The following ITPR2 variants were observed in gnomAD, a reference collection of about 807,000 sequenced individuals.
ITPR2 encodes inositol 1,4,5-trisphosphate-gated calcium channel ITPR2.
Under a neutral mutation model 317.1 loss-of-function variants are expected in ITPR2, and 207 were observed. The ratio of observed to expected loss-of-function variants is 0.65; its 90% CI spans 0.58 to 0.73. The LOEUF (loss-of-function observed/expected upper bound fraction) is 0.73. Ranked by LOEUF, ITPR2 falls within the 30% of genes least tolerant of loss-of-function variation. ITPR2 has a pLI of 0.00. For missense variants in ITPR2, 2,613 were observed against 3,284.0 expected, an observed-to-expected ratio of 0.80 and a Z score of 4.99; for synonymous variants, 1,156 against 1,149.1, an observed-to-expected ratio of 1.01 and a Z score of -0.12.
At position 26,400,229 on chromosome 12, in the gene ITPR2, T is replaced by C. The variant is rs766391860; in HGVS notation, c.7429A>G (p.Arg2477Gly). The change falls in exon 53 of 57, where the codon AGG becomes GGG. Residue 2477 changes from arginine to glycine, a missense_variant. Transcript: ENST00000381340. Reference protein sequence around the residue: ...ADEEYEDGIERTCDTLLMCIV... With the variant: ...ADEEYEDGIEGTCDTLLMCIV... ...CACATAAGGAGAGTGTCACACGTCCTTTCAATTCCATCTTCATACTCTTCA... is the reference window on the plus strand; with the variant it reads ...CACATAAGGAGAGTGTCACACGTCCCTTCAATTCCATCTTCATACTCTTCA... 3.5e-5 allele frequency: 55 copies of C among 1,589,322 alleles called. No homozygotes were observed. The highest frequency in any genetic ancestry group is 1.3e-4 in the South Asian group (11 of 86,440).
chr12:26,775,961 C>CATA (rs1555189746), intron 2 of ITPR2, among the ~76,000 whole-genome samples: 3 of 65,674 alleles, frequency 4.6e-5, no homozygotes, highest in Non-Finnish European at 1.2e-4. Context: ...TATGTATATC[C>CATA]TATTAGTTCT....
intron 46 of ITPR2, among the ~76,000 whole-genome samples, chr12:26,443,294 G>GC (rs1438285774): frequency 6.6e-6 from 1 of 151,768 alleles, no homozygotes; most frequent in Non-Finnish European, 1.5e-5. Context: ...TGCTTCTACA[G>GC]TTAAAAAACA....
At position 26,339,308 on chromosome 12, in the gene ITPR2, G is replaced by A. The variant is rs1486404121; in HGVS notation, c.*89C>T. The A allele has an allele frequency of 6.4e-6, 7 of 1,101,696 alleles. No individual in the cohort carries two copies. Among genetic ancestry groups the A allele is most frequent in the Admixed American group, 1.9e-5 (1 of 52,298 alleles). The allele number at this position is 1,101,696 out of a possible 1,614,324, so 68.2% of individuals were successfully genotyped here. On this transcript the variant is annotated 3_prime_UTR_variant, in exon 57 of 57. Transcript: ENST00000381340. ...GTTGTTTTTAACTTTTCAACAATAG[G>A]CACTGTTCACTCCCCTCCATCTCAG...
intron 28 of ITPR2, among the ~76,000 whole-genome samples, chr12:26,601,803 A>G (rs1024455205): frequency 3.9e-5 from 6 of 152,214 alleles, no homozygotes; most frequent in African/African-American, 1.2e-4. Flanking sequence ...ACCTCAATCA[A>G]TTGATCAAAG....
At chr12:26,507,863 C>CTCTGTG (rs372756412) in intron 37 of ITPR2, among the ~76,000 whole-genome samples, 85 of 132,276 alleles carry the variant, frequency 6.4e-4, no homozygotes, top group Middle Eastern at 8.9e-3. Flanking sequence ...CTCTCTGTCT[C>CTCTGTG]TGTGTGTGTG....
At chr12:26,362,619 G>A (rs182959277) in intron 55 of ITPR2, among the ~76,000 whole-genome samples, 1 of 152,212 alleles carries the variant, frequency 6.6e-6, no homozygotes, top group East Asian at 1.9e-4. Context: ...CTCTAATACA[G>A]TACTGCTGGG....
intron 45 of ITPR2, among the ~76,000 whole-genome samples, chr12:26,454,659 G>A (rs1389934289): frequency 2.0e-5 from 3 of 151,234 alleles, no homozygotes; most frequent in Admixed American, 2.0e-4. Context: ...ATCTTTTTGA[G>A]ATGTTGGACC....
intron 37 of ITPR2, among the ~76,000 whole-genome samples, chr12:26,547,408 C>T (rs548935425): frequency 2.0e-5 from 3 of 152,256 alleles, no homozygotes; most frequent in South Asian, 2.1e-4. Flanking sequence ...AAATAACAGA[C>T]GTTGATGAGG....
At chr12:26,570,495 T>C (rs908611932) in intron 34 of ITPR2, among the ~76,000 whole-genome samples, 1 of 152,234 alleles carries the variant, frequency 6.6e-6, no homozygotes, top group African/African-American at 2.4e-5. Flanking sequence ...GTTTATTTAA[T>C]AGAGACTGAA....
intron 2 of ITPR2, among the ~76,000 whole-genome samples, chr12:26,783,928 G>A (rs1009959800): frequency 2.6e-5 from 4 of 152,132 alleles, no homozygotes; most frequent in Admixed American, 1.3e-4. Context: ...GCAAACTAAG[G>A]AGACACAATG....
chr12:26,767,607 T>C (rs1470332658), intron 2 of ITPR2, among the ~76,000 whole-genome samples: 5 of 152,148 alleles, frequency 3.3e-5, no homozygotes, highest in African/African-American at 1.2e-4. Flanking sequence ...GACAGACAAA[T>C]TTGCCAAAGT....
chr12:26,343,649 A>C (rs1938210416), intron 55 of ITPR2, among the ~76,000 whole-genome samples: 1 of 152,252 alleles, frequency 6.6e-6, no homozygotes, highest in Non-Finnish European at 1.5e-5. Flanking sequence ...GCAAGTCAGT[A>C]GTTGGGGTAG....
intron 45 of ITPR2, 37 bp downstream of exon 45, chr12:26,475,259 G>A: frequency 2.5e-6 from 4 of 1,610,844 alleles, no homozygotes; most frequent in Non-Finnish European, 3.4e-6. Context: ...CGATTGATAG[G>A]ATGAGCAAAA....
At chr12:26,518,613 T>C (rs1943589743) in intron 37 of ITPR2, among the ~76,000 whole-genome samples, 1 of 151,866 alleles carries the variant, frequency 6.6e-6, no homozygotes, top group Non-Finnish European at 1.5e-5. Flanking sequence ...TCCATAGAAA[T>C]AAAAATAAAT....
chr12:26,744,444 A>G (rs1450841450), intron 2 of ITPR2, among the ~76,000 whole-genome samples: 1 of 152,220 alleles, frequency 6.6e-6, no homozygotes, highest in African/African-American at 2.4e-5. Flanking sequence ...CCGCTCAAGT[A>G]TCAGTGAGGC....
intron 48 of ITPR2, among the ~76,000 whole-genome samples, chr12:26,430,643 A>C (rs899735456): frequency 1.2e-4 from 18 of 152,250 alleles, no homozygotes; most frequent in African/African-American, 4.3e-4. Context: ...AATACTTTAT[A>C]TATGTATCCA....
intron 55 of ITPR2, among the ~76,000 whole-genome samples, chr12:26,344,059 G>T (rs1368648108): frequency 6.6e-6 from 1 of 152,098 alleles, no homozygotes; most frequent in Non-Finnish European, 1.5e-5. Flanking sequence ...GGCAAGTTTG[G>T]TCCTTTCTTG....
intron 37 of ITPR2, among the ~76,000 whole-genome samples, chr12:26,549,238 T>C (rs552806077): frequency 1.4e-3 from 207 of 152,296 alleles, no homozygotes; most frequent in Middle Eastern, 3.4e-3. Context: ...TTTTGATCAT[T>C]TGTTTTCCAA....
intron 39 of ITPR2, 55 bp from the exon 40 acceptor site, chr12:26,487,306 T>C (rs1942694609): frequency 7.6e-7 from 1 of 1,321,964 alleles, no homozygotes; most frequent in African/African-American, 1.5e-5. Context: ...AAATGGTGTT[T>C]TTATGCTTGA....
Sources: allele counts gnomAD v4.1 joint callset (sites outside exome capture counted in the v4.1 genomes callset), GRCh38; gene constraint gnomAD v4.1.1; transcripts MANE v1.5; gene names NCBI Gene and HGNC (gene_info 2026-07-23, HGNC 2026-07-21).